Variants in UCHL5 observed in about 807,000 individuals in gnomAD.
UCHL5 encodes ubiquitin carboxyl-terminal hydrolase isozyme L5.
A neutral mutation model predicts 53.8 loss-of-function variants in UCHL5; 34 were observed. That is an observed-to-expected ratio of 0.63 (90% CI 0.48 to 0.84). UCHL5 has a LOEUF of 0.84. Ranked by LOEUF, UCHL5 falls within the 40% of genes least tolerant of loss-of-function variation. The probability of loss-of-function intolerance (pLI) is 0.00; values close to 1 mark genes in which losing one functional copy is unlikely to be tolerated. For synonymous variants in UCHL5, 111 were observed against 126.3 expected, an observed-to-expected ratio of 0.88 and a Z score of 0.81; for missense variants, 290 against 385.6, an observed-to-expected ratio of 0.75 and a Z score of 2.08.
chr1:193,030,557 G>A (rs922640358), intron 3 of UCHL5, among the ~76,000 whole-genome samples: 1 of 152,170 alleles, frequency 6.6e-6, no homozygotes, highest in Non-Finnish European at 1.5e-5. Context: ...TTGAGATCAT[G>A]AAGCTGGAAA....
chr1:193,016,291 A>C lies in UCHL5; in HGVS notation c.*60T>G. 6.3e-7 allele frequency: 1 copy of C among 1,585,232 alleles called. No individual in the cohort carries two copies. The highest frequency in any genetic ancestry group is 8.6e-7 in the Non-Finnish European group (1 of 1,168,390). On this transcript the variant is annotated 3_prime_UTR_variant, in exon 11 of 11. Coordinates refer to ENST00000367454, the MANE Select transcript of UCHL5 (RefSeq NM_001199261.3). ...GGATGTTGCTCTAAGTTCTTTATACATAATGGTTTCCATGAAAATATGTGC... is the reference window on the plus strand; with the variant it reads ...GGATGTTGCTCTAAGTTCTTTATACCTAATGGTTTCCATGAAAATATGTGC...
intron 1 of UCHL5, among the ~76,000 whole-genome samples, chr1:193,055,141 C>T (rs1670211699): frequency 6.6e-6 from 1 of 152,184 alleles, no homozygotes; most frequent in South Asian, 2.1e-4. Flanking sequence ...TCTCCTGTTT[C>T]TGCACGTCTT....
chr1:193,035,588 G>C (rs983669799), intron 3 of UCHL5, among the ~76,000 whole-genome samples: 2 of 152,076 alleles, frequency 1.3e-5, no homozygotes, highest in Admixed American at 1.3e-4. Flanking sequence ...TATGAGAAAT[G>C]CTAAGGGCAC....
At chr1:193,018,428 T>C in intron 10 of UCHL5, 1 of 664,430 alleles carries the variant, frequency 1.5e-6, no homozygotes, top group Non-Finnish European at 1.9e-6. Flanking sequence ...GATAATTTTA[T>C]TTTATATTTT....
chr1:193,031,542 T>C (rs781148368), intron 3 of UCHL5, among the ~76,000 whole-genome samples: 11 of 152,184 alleles, frequency 7.2e-5, no homozygotes, highest in Non-Finnish European at 1.3e-4. Context: ...AGTTACAATG[T>C]ACATGGGTAT....
chr1:193,032,567 A>C (rs912257693), intron 3 of UCHL5, among the ~76,000 whole-genome samples: 1 of 152,234 alleles, frequency 6.6e-6, no homozygotes, highest in African/African-American at 2.4e-5. Flanking sequence ...CAGCAAAAGA[A>C]ACTATCATCA....
At chr1:193,027,891 G>A (rs1301838433) in intron 7 of UCHL5, 194 bp downstream of exon 7, 3 of 1,475,036 alleles carry the variant, frequency 2.0e-6, no homozygotes, top group East Asian at 2.7e-5. Context: ...GGGAGGTCGA[G>A]GCAGGCGGAT....
In UCHL5 at chr1:193,016,127, T is replaced by C; in HGVS notation, c.*224A>G. The C allele has an allele frequency of 2.2e-6, 1 of 454,162 alleles. No individual in the cohort carries two copies. Among genetic ancestry groups the C allele is most frequent in the African/African-American group, 2.0e-5 (1 of 49,068 alleles). The allele number at this position is 454,162 out of a possible 1,614,324, so 28.1% of individuals were successfully genotyped here. On this transcript the variant is annotated 3_prime_UTR_variant, in exon 11 of 11. Transcript: ENST00000367454. The stretch of plus-strand genomic sequence containing the variant: ...TCAGACTCAATGTCAAATAATGGAA[T>C]TTGGGAAAGCATTCTTAATATCACT...
chr1:193,019,814 C>T, intron 10 of UCHL5: 1 of 924,876 alleles, frequency 1.1e-6, no homozygotes, highest in Non-Finnish European at 1.3e-6. Flanking sequence ...GTTCACAGAT[C>T]AATTTTAATG....
chr1:193,030,861 G>A (rs906265713), intron 3 of UCHL5, among the ~76,000 whole-genome samples: 1 of 152,064 alleles, frequency 6.6e-6, no homozygotes, highest in Non-Finnish European at 1.5e-5. Context: ...CTGAACTGTT[G>A]ACTGAAGTAT....
upstream of UCHL5, chr1:193,060,072 A>G (rs1022776267): frequency 3.4e-5 from 45 of 1,305,630 alleles, no homozygotes; most frequent in Middle Eastern, 9.2e-4. Flanking sequence ...GCCGACGTCG[A>G]GAGGGCCTGC....
intron 3 of UCHL5, among the ~76,000 whole-genome samples, chr1:193,037,472 A>G (rs1252081913): frequency 6.6e-6 from 1 of 152,152 alleles, no homozygotes; most frequent in Admixed American, 6.5e-5. Context: ...AATAACAAGT[A>G]ATGAGATCAG....
intron 2 of UCHL5, among the ~76,000 whole-genome samples, chr1:193,050,794 A>C (rs960037954): frequency 3.9e-5 from 6 of 151,990 alleles, no homozygotes; most frequent in African/African-American, 9.7e-5. Flanking sequence ...TATTTGATTC[A>C]ATTTTATTTT....
Position 193,015,284 on chromosome 1 carries a change from TAA to T in UCHL5, c.*1065_*1066del, listed in dbSNP as rs1654727245. On this transcript the variant is annotated 3_prime_UTR_variant, in exon 11 of 11. Transcript: ENST00000367454. ...GATTTTACAATAAATAATAAAATGTTAAAGTCATGTATCAACCTCAGAAATAT... is the reference window on the plus strand; with the variant it reads ...GATTTTACAATAAATAATAAAATGTTAGTCATGTATCAACCTCAGAAATAT... 6.6e-6 allele frequency: 1 copy of T among 152,046 alleles called. No homozygotes were observed. Among genetic ancestry groups the T allele is most frequent in the Non-Finnish European group, 1.5e-5 (1 of 67,932 alleles). 9.4% of individuals were successfully genotyped at this position (152,046 alleles called of 1,614,324 possible).
Position 193,029,313 on chromosome 1 carries a change from C to T in UCHL5, c.435-4G>A. 6.2e-7 allele frequency: 1 copy of T among 1,612,942 alleles called. No homozygotes were observed. Among genetic ancestry groups the T allele is most frequent in the East Asian group, 2.2e-5 (1 of 44,818 alleles). ...ATCAAATTCAAACATTTGCTGTCTA[C>T]AGTAAATAAAAAAATAGTGAAACTC... is the stretch of plus-strand genomic sequence containing the variant. On this transcript the variant is annotated splice_region_variant and splice_polypyrimidine_tract_variant and intron_variant, in intron 5 of 10. Coordinates refer to ENST00000367454, the MANE Select transcript of UCHL5 (RefSeq NM_001199261.3).
At chr1:193,029,775 G>T in intron 3 of UCHL5, 118 bp from the exon 4 acceptor site, 1 of 806,946 alleles carries the variant, frequency 1.2e-6, no homozygotes, top group Non-Finnish European at 1.9e-6. Flanking sequence ...TGAAGTCTCA[G>T]CATAAACAGA....
chr1:193,059,216 G>A lies in UCHL5; in HGVS notation c.45C>T (p.Pro15=). ...AGEWCLMESD[P]GVFTELIKGF... ...CTTTAATGAGCTCGGTGAAGACCCC[G>A]GGGTCGCTTTCCATGAGGCACCACT... is the stretch of plus-strand genomic sequence containing the variant. Residue 15 remains proline, a synonymous_variant, in exon 1 of 11, where the codon CCC becomes CCT. Coordinates refer to ENST00000367454, the MANE Select transcript of UCHL5 (RefSeq NM_001199261.3). The surrounding 1 kb of genome is among the most constrained non-coding windows in gnomAD (Gnocchi z 4.9). 1.2e-6 allele frequency: 2 copies of A among 1,613,932 alleles called. No homozygotes were observed. The highest frequency in any genetic ancestry group is 8.5e-7 in the Non-Finnish European group (1 of 1,179,964).
chr1:193,023,705 G>A (rs887057222), intron 8 of UCHL5, 139 bp downstream of exon 8: 38 of 650,368 alleles, frequency 5.8e-5, no homozygotes, highest in Non-Finnish European at 8.5e-5. Context: ...GCCAGGAACC[G>A]AATCTAGGCA....
chr1:193,020,205 A>G, intron 10 of UCHL5: 7 of 1,380,482 alleles, frequency 5.1e-6, no homozygotes, highest in Non-Finnish European at 6.6e-6. Flanking sequence ...AAAACTTATT[A>G]GCTCACATCT....
Sources: gnomAD v4.1 joint callset for allele counts (sites outside exome capture counted in the v4.1 genomes callset) on GRCh38, gnomAD v4.1.1 for gene constraint, Gnocchi (gnomAD v3.1) non-coding constraint, MANE v1.5 for transcripts, NCBI Gene and HGNC (gene_info 2026-07-23, HGNC 2026-07-21) for gene names.